Variants in ARID4A observed in about 807,000 individuals in gnomAD.
ARID4A encodes the protein AT-rich interactive domain-containing protein 4A.
A neutral mutation model predicts 148.6 loss-of-function variants in ARID4A; 39 were observed. The observed-to-expected ratio is 0.26, with a 90% CI of 0.20 to 0.34. ARID4A has a LOEUF of 0.34. Among genes scored for constraint, ARID4A ranks in the 10% least tolerant of loss-of-function variants. The probability of loss-of-function intolerance (pLI) is 1.00; values close to 1 mark genes in which losing one functional copy is unlikely to be tolerated. For missense variants in ARID4A, 1,265 were observed against 1,449.1 expected, an observed-to-expected ratio of 0.87 and a Z score of 2.06; for synonymous variants, 475 against 481.2, an observed-to-expected ratio of 0.99 and a Z score of 0.17.
intron 17 of ARID4A, 61 bp downstream of exon 17, chr14:58,353,916 C>A: frequency 7.1e-7 from 1 of 1,406,466 alleles, no homozygotes; most frequent in Non-Finnish European, 9.9e-7. Flanking sequence ...AGAACATCAA[C>A]TTAATGTTAT....
rs79349321 is a variant in ARID4A at position 58,357,116 on chromosome 14, T to C, written c.1854-2016T>C. On this transcript the variant is annotated intron_variant, in intron 17 of 23. Coordinates refer to ENST00000355431, the MANE Select transcript of ARID4A (RefSeq NM_002892.4). ...AGACTAATCAACCAGTACTGTACAGTGTATTCAATAAATTACATGAGATAT... is the reference window on the plus strand; with the variant it reads ...AGACTAATCAACCAGTACTGTACAGCGTATTCAATAAATTACATGAGATAT... Among the ~76,000 whole-genome samples, 347 of 152,286 alleles carry C rather than the reference T, an allele frequency of 2.3e-3. 2 individuals are homozygous for C. Among genetic ancestry groups the C allele is most frequent in the African/African-American group, 7.8e-3 (326 of 41,560 alleles).
intron 8 of ARID4A, among the ~76,000 whole-genome samples, chr14:58,327,816 C>T (rs2033302507): frequency 6.6e-6 from 1 of 151,912 alleles, no homozygotes; most frequent in Non-Finnish European, 1.5e-5. Flanking sequence ...GGACTATAGG[C>T]ACACACCACC....
intron 7 of ARID4A, among the ~76,000 whole-genome samples, chr14:58,321,196 TTC>T (rs1368262018): frequency 6.6e-6 from 1 of 152,224 alleles, no homozygotes; most frequent in East Asian, 1.9e-4. Flanking sequence ...TATTTAAATA[TTC>T]TAGTCTCTGT....
chr14:58,362,653 G>A (rs2035184798), intron 19 of ARID4A, among the ~76,000 whole-genome samples: 1 of 150,834 alleles, frequency 6.6e-6, no homozygotes, highest in Admixed American at 6.6e-5. Context: ...CACCTCCTGG[G>A]TTCAAGCAGT....
Position 58,364,709 on chromosome 14 carries a change from G to A in ARID4A, c.2620G>A (p.Gly874Arg). ...AGAGAAAAAAATAAGAATTGAGAAT[G>A]GAATGGAAATGACAAATACTGTATC... ...SPEKKIRIEN[G>R]MEMTNTVSQE... is the part of the protein sequence containing the mutation. Residue 874 changes from glycine (G) to arginine (R), a missense_variant, in exon 20 of 24, where the codon GGA becomes AGA. This residue lies in a region of ARID4A where 666 missense variants were observed against 730.9 expected (regional missense o/e 0.91). Transcript: ENST00000355431. 1.2e-6 allele frequency: 2 copies of A among 1,613,780 alleles called. No individual in the cohort carries two copies. The highest frequency in any genetic ancestry group is 1.7e-6 in the Non-Finnish European group (2 of 1,179,924).
chr14:58,323,586 C>T lies in ARID4A; in HGVS notation c.551C>T (p.Ala184Val), dbSNP rs2033039026. 3 of 1,614,056 alleles carry T rather than the reference C, an allele frequency of 1.9e-6. No individual in the cohort carries two copies. Among genetic ancestry groups the T allele is most frequent in the East Asian group, 4.5e-5 (2 of 44,868 alleles). Residue 184 changes from alanine to valine, a missense_variant, in exon 8 of 24, where the codon GCA (alanine) becomes GTA (valine). Physicochemically the swap from Ala to Val is moderately conservative, Grantham distance 64. Coordinates refer to ENST00000355431, the MANE Select transcript of ARID4A (RefSeq NM_002892.4). ...LLGKVVSVVS[A>V]TERTEWYPAL... ...GGAAAAGTTGTAAGTGTGGTGTCTG[C>T]AACGGAGAGGACTGAATGGTATCCT...
intron 5 of ARID4A, among the ~76,000 whole-genome samples, chr14:58,306,980 CTT>C (rs2031655517): frequency 6.6e-6 from 1 of 152,152 alleles, no homozygotes. Flanking sequence ...CTTTAGATAA[CTT>C]TATTGTATTA....
intron 3 of ARID4A, chr14:58,303,670 C>G: frequency 2.2e-5 from 8 of 363,430 alleles, no homozygotes; most frequent in South Asian, 1.6e-4. Flanking sequence ...CCTAAAGGGT[C>G]CCTCCAGACC....
At chr14:58,341,825 T>C (rs192737348) in intron 11 of ARID4A, among the ~76,000 whole-genome samples, 1 of 152,338 alleles carries the variant, frequency 6.6e-6, no homozygotes, top group East Asian at 1.9e-4. Context: ...CTCTTGGATC[T>C]CTGGCATTTT....
chr14:58,339,788 C>G (rs2034015173), intron 11 of ARID4A, among the ~76,000 whole-genome samples: 1 of 151,584 alleles, frequency 6.6e-6, no homozygotes, highest in South Asian at 2.1e-4. Context: ...CCTCAGGAAA[C>G]TTATAATCAG....
intron 22 of ARID4A, 124 bp from the exon 23 acceptor site, chr14:58,366,759 C>G: frequency 1.4e-6 from 1 of 689,824 alleles, no homozygotes; most frequent in Non-Finnish European, 2.3e-6. Context: ...ATTCAGCTTA[C>G]TGTAGGAGAT....
In ARID4A at chr14:58,348,046, C is replaced by T. The variant is rs535029344; in HGVS notation, c.1404+168C>T. On this transcript the variant is annotated intron_variant, in intron 15 of 23. Coordinates refer to ENST00000355431, the MANE Select transcript of ARID4A (RefSeq NM_002892.4). ...CGAAATATATTGTATATTATTTCCT[C>T]TACCTGAAAACCCTTCCTTCTGTTT... is the stretch of plus-strand genomic sequence containing the variant. 4.6e-5 allele frequency among the ~76,000 whole-genome samples: 7 copies of T among 152,222 alleles called. No homozygotes were observed. In the South Asian group the frequency reaches 1.2e-3, roughly 27 times the overall value.
intron 17 of ARID4A, among the ~76,000 whole-genome samples, chr14:58,355,230 A>G (rs1387167400): frequency 6.6e-6 from 1 of 152,110 alleles, no homozygotes; most frequent in Non-Finnish European, 1.5e-5. Flanking sequence ...GTGCTCTGTT[A>G]TAACTCAAGT....
At position 58,351,081 on chromosome 14, in the gene ARID4A, G is replaced by T; in HGVS notation, c.1413G>T (p.Arg471Ser). 1 of 1,593,442 alleles carries T rather than the reference G, an allele frequency of 6.3e-7. No homozygotes were observed. The highest frequency in any genetic ancestry group is 1.2e-5 in the South Asian group (1 of 86,096). ...EIELKSPRGR[R>S]RIARDVNSIK... ...TTTATCCCCTCTACTAGGGACGAAG[G>T]AGAATTGCTCGAGATGTAAATTCTA... Residue 471 changes from arginine (R) to serine (S), a missense_variant, in exon 16 of 24, where the codon AGG becomes AGT. Transcript: ENST00000355431.
chr14:58,304,874 G>T, intron 3 of ARID4A, 70 bp from the exon 4 acceptor site: 1 of 1,233,330 alleles, frequency 8.1e-7, no homozygotes, highest in South Asian at 1.3e-5. Flanking sequence ...AGACATTATT[G>T]TTATAGTGTT....
chr14:58,305,993 G>A, intron 4 of ARID4A, 29 bp from the exon 5 acceptor site: 1 of 1,551,972 alleles, frequency 6.4e-7, no homozygotes, highest in Non-Finnish European at 8.9e-7. Flanking sequence ...GTTTAAATTT[G>A]GTAAGGAAAT....
At chr14:58,299,428 G>C (rs1181405672) in intron 1 of ARID4A, 1 of 166,142 alleles carries the variant, frequency 6.0e-6, no homozygotes, top group African/African-American at 2.4e-5. Context: ...GGGTATCCGG[G>C]GGACCGCGGA....
intron 7 of ARID4A, among the ~76,000 whole-genome samples, chr14:58,320,197 C>A (rs907449754): frequency 5.3e-5 from 8 of 152,064 alleles, no homozygotes; most frequent in African/African-American, 1.9e-4. Context: ...CCACCTGCCT[C>A]AGCCTCCCAA....
intron 7 of ARID4A, 152 bp downstream of exon 7, chr14:58,318,957 T>G (rs1262475935): frequency 3.3e-6 from 2 of 610,242 alleles, no homozygotes; most frequent in African/African-American, 3.7e-5. Context: ...GACCTTGTTC[T>G]TAATTATTCC....
Sources: allele counts gnomAD v4.1 joint callset (sites outside exome capture counted in the v4.1 genomes callset), GRCh38; gene constraint gnomAD v4.1.1; regional missense constraint gnomAD v4.1.1; transcripts MANE v1.5; gene names NCBI Gene and HGNC (gene_info 2026-07-23, HGNC 2026-07-21).